MRTFA: variants seen among roughly 807,000 people sequenced by gnomAD.
MRTFA encodes the protein myocardin related transcription factor A.
In MRTFA, 20 loss-of-function variants were observed where a neutral mutation model predicts 83.5. The ratio of observed to expected loss-of-function variants is 0.24; its 90% confidence interval spans 0.17 to 0.35. The LOEUF is 0.35. Ranked by LOEUF, MRTFA falls within the 10% of genes least tolerant of loss-of-function variation. MRTFA has a pLI of 1.00. For synonymous variants in MRTFA, 659 were observed against 541.2 expected, an observed-to-expected ratio of 1.22 and a Z score of -3.02; for missense variants, 1,200 against 1,224.7, an observed-to-expected ratio of 0.98 and a Z score of 0.30.
At chr22:40,614,321 G>A (rs940895866) in intron 1 of MRTFA, among the ~76,000 whole-genome samples, 6 of 151,642 alleles carry the variant, frequency 4.0e-5, no homozygotes, top group Non-Finnish European at 7.4e-5. Context: ...TAAGGTGAGA[G>A]GATCACTTGA....
chr22:40,509,627 G>C (rs2054634979), intron 3 of MRTFA, among the ~76,000 whole-genome samples: 2 of 152,146 alleles, frequency 1.3e-5, no homozygotes, highest in African/African-American at 4.8e-5. Flanking sequence ...GTTTATACCT[G>C]ATAGAAGCTA....
chr22:40,583,693 C>T (rs1343891639), intron 2 of MRTFA, among the ~76,000 whole-genome samples: 1 of 152,094 alleles, frequency 6.6e-6, no homozygotes, highest in Non-Finnish European at 1.5e-5. Context: ...GAGCACAAGC[C>T]CTACTGTAAA....
At chr22:40,611,287 A>G (rs2056385380) in intron 1 of MRTFA, among the ~76,000 whole-genome samples, 1 of 151,960 alleles carries the variant, frequency 6.6e-6, no homozygotes, top group Non-Finnish European at 1.5e-5. Flanking sequence ...CTCAGGCTGG[A>G]GTGCAGTGGC....
At chr22:40,421,421 G>A (rs759973633) in intron 9 of MRTFA, among the ~76,000 whole-genome samples, 4 of 152,158 alleles carry the variant, frequency 2.6e-5, no homozygotes, top group Non-Finnish European at 5.9e-5. Flanking sequence ...GATGGAGCTC[G>A]GGCTGCGCCA....
intron 3 of MRTFA, among the ~76,000 whole-genome samples, chr22:40,551,182 GATTT>G (rs976179850): frequency 4.6e-5 from 7 of 151,664 alleles, no homozygotes; most frequent in African/African-American, 1.7e-4. Context: ...ACAAATTATA[GATTT>G]TTTTAATTAA....
chr22:40,634,175 A>C (rs2056669959), intron 1 of MRTFA, among the ~76,000 whole-genome samples: 1 of 151,920 alleles, frequency 6.6e-6, no homozygotes, highest in African/African-American at 2.4e-5. Flanking sequence ...GCCACCTCAA[A>C]CTCCTGGGCT....
intron 3 of MRTFA, among the ~76,000 whole-genome samples, chr22:40,546,824 A>G (rs998592491): frequency 6.6e-6 from 1 of 152,228 alleles, no homozygotes; most frequent in Non-Finnish European, 1.5e-5. Context: ...TCTTACCTGT[A>G]GTGGAACAAA....
chr22:40,562,810 G>A (rs996926742), intron 2 of MRTFA, among the ~76,000 whole-genome samples: 5 of 151,612 alleles, frequency 3.3e-5, no homozygotes, highest in African/African-American at 9.7e-5. Context: ...AAAAACTTAA[G>A]AATCTTAAGT....
Position 40,411,370 on chromosome 22 carries a change from C to T in MRTFA, c.*20G>A, listed in dbSNP as rs768768448. The T allele has an allele frequency of 1.1e-5, 17 of 1,535,744 alleles. No individual in the cohort carries two copies. In the African/African-American group the frequency reaches 2.1e-4, roughly 19 times the overall value. ...ACCCTGGCTCCCAGCCCCTTCCCCA[C>T]CCCGTCTTGAGCCAGAGAGCTACAA... On this transcript the variant is annotated 3_prime_UTR_variant, in exon 15 of 15. Coordinates refer to ENST00000355630, the MANE Select transcript of MRTFA (RefSeq NM_020831.6).
At chr22:40,501,840 T>C (rs1424346573) in intron 3 of MRTFA, among the ~76,000 whole-genome samples, 1 of 66,266 alleles carries the variant, frequency 1.5e-5, no homozygotes, top group Admixed American at 1.2e-4. Flanking sequence ...ACAGGGCGGC[T>C]GGCCGGGCGG....
In MRTFA at chr22:40,599,378, G is replaced by A. The variant is rs78676140; in HGVS notation, c.-83-4643C>T. On this transcript the variant is annotated intron_variant, in intron 1 of 14. Coordinates refer to ENST00000355630, the MANE Select transcript of MRTFA (RefSeq NM_020831.6). Reference sequence around the variant, plus strand: ...TTTTGGCTCAATACATACGCACATAGACTCTCCAGTGGAAATTTAGCTTTT... The same window carrying A: ...TTTTGGCTCAATACATACGCACATAAACTCTCCAGTGGAAATTTAGCTTTT... Among the ~76,000 whole-genome samples the A allele has an allele frequency of 7.0e-3, 1,069 of 152,240 alleles. 13 individuals carry two copies. Among genetic ancestry groups the A allele is most frequent in the African/African-American group, 0.025 (1,025 of 41,534 alleles).
In MRTFA at chr22:40,500,219, G is replaced by A. The variant is rs187203101; in HGVS notation, c.242-36933C>T. 5.6e-3 allele frequency among the ~76,000 whole-genome samples: 834 copies of A among 150,006 alleles called. 11 individuals are homozygous for A. Among genetic ancestry groups the A allele is most frequent in the African/African-American group, 0.019 (799 of 41,126 alleles). On this transcript the variant is annotated intron_variant, in intron 3 of 14. Transcript: ENST00000355630. Reference sequence around the variant, plus strand: ...GCTGGGATTACAGGCATGAGCCACCGCGCCCGGCCCAGTCTATGATTTTTT... The same window carrying A: ...GCTGGGATTACAGGCATGAGCCACCACGCCCGGCCCAGTCTATGATTTTTT...
At chr22:40,517,878 G>C (rs756234774) in intron 3 of MRTFA, among the ~76,000 whole-genome samples, 3 of 152,044 alleles carry the variant, frequency 2.0e-5, no homozygotes, top group Non-Finnish European at 4.4e-5. Context: ...CTGACTTCTG[G>C]GGATGCAAGA....
rs1447802216 is a variant in MRTFA, at chr22:40,417,407, G to A, written c.2451C>T (p.Pro817=). ...GTGGTTCCTTCTTCAGCAGAGAAGT[G>A]GGGGTCCCAAAGAGGGGCTGCAGTG... The change falls in exon 13 of 15, where the codon CCC becomes CCT. Residue 817 remains proline (P), a synonymous_variant. Transcript: ENST00000355630. 57 of 1,611,126 alleles carry A rather than the reference G, an allele frequency of 3.5e-5. No homozygotes were observed. The highest frequency in any genetic ancestry group is 4.8e-5 in the Non-Finnish European group (57 of 1,179,578).
chr22:40,603,297 A>ACCCTATTTACCCTATTAAT (rs2056280955), intron 1 of MRTFA, among the ~76,000 whole-genome samples: 2 of 152,128 alleles, frequency 1.3e-5, no homozygotes, highest in Admixed American at 1.3e-4. Flanking sequence ...TAATCCACAA[A>ACCCTATTTACCCTATTAAT]CCACATTTCA....
rs1469344793 is a variant in MRTFA, at chr22:40,582,852, A to G, written c.-22+11822T>C. ...GAACTCAGTTCATTATGTTATAGAA[A>G]CAGAGTATGCACATTATGGTTCTTT... On this transcript the variant is annotated intron_variant, in intron 2 of 14. Transcript: ENST00000355630. Among the ~76,000 whole-genome samples, 4 of 152,144 alleles carry G rather than the reference A, an allele frequency of 2.6e-5. No homozygotes were observed. In the East Asian group the frequency reaches 7.7e-4, roughly 29 times the overall value.
At chr22:40,559,933 G>A (rs1385255373) in intron 2 of MRTFA, among the ~76,000 whole-genome samples, 1 of 152,102 alleles carries the variant, frequency 6.6e-6, no homozygotes, top group Non-Finnish European at 1.5e-5. Flanking sequence ...GAATTATTAA[G>A]GGCTTAAAGA....
At chr22:40,612,628 A>G (rs1453002780) in intron 1 of MRTFA, among the ~76,000 whole-genome samples, 3 of 152,160 alleles carry the variant, frequency 2.0e-5, no homozygotes, top group Non-Finnish European at 4.4e-5. Flanking sequence ...ACTCTCATAA[A>G]TCATCAATCT....
At chr22:40,450,176 C>T (rs1446197027) in intron 4 of MRTFA, among the ~76,000 whole-genome samples, 1 of 152,090 alleles carries the variant, frequency 6.6e-6, no homozygotes, top group African/African-American at 2.4e-5. Flanking sequence ...GCTATAGATC[C>T]CTGGAACTAT....
Sources: gnomAD v4.1 joint callset for allele counts (sites outside exome capture counted in the v4.1 genomes callset) on GRCh38, gnomAD v4.1.1 for gene constraint, MANE v1.5 for transcripts, NCBI Gene and HGNC (gene_info 2026-07-23, HGNC 2026-07-21) for gene names.